The following TLE1 variants were observed in gnomAD, a reference collection of about 807,000 sequenced individuals.
TLE1 encodes the protein transducin-like enhancer protein 1.
Under a neutral mutation model 89.8 loss-of-function variants are expected in TLE1, and 21 were observed. That is an observed-to-expected ratio of 0.23 (90% CI 0.17 to 0.34). TLE1 has a LOEUF of 0.34. Ranked by LOEUF, TLE1 falls within the 10% of genes least tolerant of loss-of-function variation. The pLI is 1.00. For missense variants in TLE1, 795 were observed against 1,031.2 expected (o/e 0.77, Z 3.14); for synonymous variants, 447 against 407.6 (o/e 1.10, Z -1.16).
chr9:81,617,698 T>C lies in TLE1; in HGVS notation c.712-999A>G, dbSNP rs1307270411. 4.0e-5 allele frequency among the ~76,000 whole-genome samples: 6 copies of C among 151,262 alleles called. 1 individual carries two copies. In the East Asian group the frequency reaches 1.2e-3, roughly 30 times the overall value. On this transcript the variant is annotated intron_variant, in intron 9 of 19. Coordinates refer to ENST00000376499, the MANE Select transcript of TLE1 (RefSeq NM_005077.5). Reference sequence around the variant, plus strand: ...GCCTAGCCGACATAGCAAGACTCTGTCACAAAAAAATAAATAAAATAAAGC... The same window carrying C: ...GCCTAGCCGACATAGCAAGACTCTGCCACAAAAAAATAAATAAAATAAAGC...
Position 81,668,942 on chromosome 9 carries a change from T to C in TLE1, c.235-14906A>G, listed in dbSNP as rs186187142. On this transcript the variant is annotated intron_variant, in intron 4 of 19. Transcript: ENST00000376499. The stretch of plus-strand genomic sequence containing the variant: ...CAATTTATATGCTCCTGTGTGTTTT[T>C]AGAAAACATCCTAGATAGTCTTCCA... Among the ~76,000 whole-genome samples, 335 of 152,324 alleles carry C rather than the reference T, an allele frequency of 2.2e-3. 1 individual carries two copies. Among genetic ancestry groups the C allele is most frequent in the Non-Finnish European group, 2.4e-3 (162 of 68,030 alleles).
At chr9:81,675,518 A>C (rs969257288) in intron 4 of TLE1, among the ~76,000 whole-genome samples, 6 of 152,036 alleles carry the variant, frequency 3.9e-5, no homozygotes, top group East Asian at 1.9e-4. Context: ...AGTTTTGTTT[A>C]TCTCTCTTTT....
At chr9:81,661,765 CA>C (rs919360492) in intron 4 of TLE1, among the ~76,000 whole-genome samples, 1 of 151,550 alleles carries the variant, frequency 6.6e-6, no homozygotes, top group African/African-American at 2.4e-5. Context: ...ATCCCCCCCC[CA>C]AAAAAAATGT....
intron 4 of TLE1, among the ~76,000 whole-genome samples, chr9:81,676,616 C>T (rs1832935928): frequency 6.6e-6 from 1 of 152,118 alleles, no homozygotes; most frequent in South Asian, 2.1e-4. Flanking sequence ...AGGGAAAGTA[C>T]TCAGGGGTAG....
chr9:81,613,101 G>A (rs1049059415), intron 12 of TLE1, among the ~76,000 whole-genome samples: 1 of 152,172 alleles, frequency 6.6e-6, no homozygotes, highest in African/African-American at 2.4e-5. Context: ...CTGAGATCAC[G>A]CCATTGCATT....
chr9:81,656,791 ATATT>A (rs1451887742), intron 4 of TLE1, among the ~76,000 whole-genome samples: 2 of 152,188 alleles, frequency 1.3e-5, no homozygotes, highest in African/African-American at 4.8e-5. Flanking sequence ...ACACCAGTGA[ATATT>A]TATGTTTCAT....
intron 2 of TLE1, among the ~76,000 whole-genome samples, chr9:81,686,486 G>C (rs953548927): frequency 6.6e-6 from 1 of 152,128 alleles, no homozygotes; most frequent in African/African-American, 2.4e-5. Flanking sequence ...TCTACAAGTA[G>C]ACAAAAGGTC....
At chr9:81,688,043 A>C (rs1466227592) in intron 1 of TLE1, among the ~76,000 whole-genome samples, 174 bp downstream of exon 1, 1 of 152,014 alleles carries the variant, frequency 6.6e-6, no homozygotes, top group African/African-American at 2.4e-5. Context: ...GAGAAAATTA[A>C]GAGTTTCGGC....
At chr9:81,620,859 T>C in intron 8 of TLE1, 1 of 832,840 alleles carries the variant, frequency 1.2e-6, no homozygotes, top group South Asian at 1.4e-5. Context: ...TGTATGTGGA[T>C]GTGTTTTTAT....
At chr9:81,607,848 C>A (rs1831893926) in intron 14 of TLE1, among the ~76,000 whole-genome samples, 1 of 152,250 alleles carries the variant, frequency 6.6e-6, no homozygotes, top group Non-Finnish European at 1.5e-5. Context: ...CTACCCCTGA[C>A]TCCCTTCATT....
chr9:81,684,807 T>TC (rs146729674), intron 4 of TLE1, among the ~76,000 whole-genome samples: 5,129 of 152,296 alleles, frequency 0.034, 284 homozygotes, highest in African/African-American at 0.12. Context: ...AAAGTGAATG[T>TC]CAGCGTATCT....
chr9:81,654,490 G>A (rs1407733325), intron 4 of TLE1, among the ~76,000 whole-genome samples: 3 of 152,046 alleles, frequency 2.0e-5, no homozygotes, highest in African/African-American at 4.8e-5. Flanking sequence ...ACAGGCGCCC[G>A]CCACCACTCC....
At chr9:81,633,918 A>G (rs1335119010) in intron 7 of TLE1, 179 bp downstream of exon 7, 7 of 645,194 alleles carry the variant, frequency 1.1e-5, no homozygotes, top group Non-Finnish European at 1.7e-5. Context: ...AGATGCCCAC[A>G]GCAAACCCTG....
intron 14 of TLE1, among the ~76,000 whole-genome samples, chr9:81,605,191 T>C (rs1480234769): frequency 6.6e-6 from 1 of 152,186 alleles, no homozygotes; most frequent in Non-Finnish European, 1.5e-5. Context: ...TTGTTCACTC[T>C]ATCCTGGACA....
intron 6 of TLE1, among the ~76,000 whole-genome samples, chr9:81,651,346 G>A (rs1372441283): frequency 3.9e-5 from 6 of 152,192 alleles, no homozygotes; most frequent in Non-Finnish European, 8.8e-5. Context: ...GCAGTGGGGG[G>A]CGGAGGATGA....
At chr9:81,657,576 T>C (rs1469827779) in intron 4 of TLE1, among the ~76,000 whole-genome samples, 1 of 152,082 alleles carries the variant, frequency 6.6e-6, no homozygotes, top group Non-Finnish European at 1.5e-5. Context: ...GAAATGAACT[T>C]GTAAACCTTT....
chr9:81,613,088 G>C (rs771017837), intron 12 of TLE1, among the ~76,000 whole-genome samples: 2 of 152,178 alleles, frequency 1.3e-5, no homozygotes, highest in African/African-American at 4.8e-5. Flanking sequence ...AGGTTGCAGT[G>C]AGCTGAGATC....
chr9:81,652,142 A>ACACACACAC, intron 6 of TLE1, 72 bp downstream of exon 6: 4 of 1,041,696 alleles, frequency 3.8e-6, no homozygotes, highest in African/African-American at 2.4e-5. Context: ...CACACACGTA[A>ACACACACAC]AGCCATCAAA....
intron 6 of TLE1, among the ~76,000 whole-genome samples, chr9:81,646,559 A>G (rs976973736): frequency 2.0e-5 from 3 of 152,230 alleles, no homozygotes; most frequent in Non-Finnish European, 4.4e-5. Context: ...CCACATACTC[A>G]TAAGAATAAG....
Sources: allele counts gnomAD v4.1 joint callset (sites outside exome capture counted in the v4.1 genomes callset), GRCh38; gene constraint gnomAD v4.1.1; transcripts MANE v1.5; gene names NCBI Gene and HGNC (gene_info 2026-07-23, HGNC 2026-07-21).